The following GABRB1 variants were observed in gnomAD, a reference collection of about 807,000 sequenced individuals.
GABRB1 encodes gamma-aminobutyric acid type A receptor subunit beta1.
In GABRB1, 17 loss-of-function variants were observed where a neutral mutation model predicts 51.6. The ratio of observed to expected loss-of-function variants is 0.33; its 90% CI spans 0.23 to 0.49. GABRB1 has a LOEUF of 0.49. GABRB1 is among the 20% of genes least tolerant of loss of function. GABRB1 has a pLI of 0.99. For missense variants in GABRB1, 410 were observed against 600.6 expected (o/e 0.68, Z 3.32); for synonymous variants, 247 against 218.9 (o/e 1.13, Z -1.14).
chr4:47,213,433 TCTCA>T (rs887984030), intron 4 of GABRB1, among the ~76,000 whole-genome samples: 33 of 151,546 alleles, frequency 2.2e-4, no homozygotes, highest in Non-Finnish European at 3.7e-4. Flanking sequence ...TCTCTCTCTC[TCTCA>T]CTCTCTCTCT....
intron 3 of GABRB1, among the ~76,000 whole-genome samples, chr4:47,117,765 C>T (rs189161451): frequency 9.3e-4 from 142 of 152,192 alleles, no homozygotes; most frequent in African/African-American, 3.1e-3. Flanking sequence ...TTATGAAATA[C>T]GCTGGGAAAT....
intron 3 of GABRB1, among the ~76,000 whole-genome samples, chr4:47,039,900 A>T (rs564869091): frequency 6.6e-6 from 1 of 152,182 alleles, no homozygotes; most frequent in Non-Finnish European, 1.5e-5. Context: ...GAATGCTCTC[A>T]TTGTGTAAAA....
intron 5 of GABRB1, among the ~76,000 whole-genome samples, chr4:47,361,103 A>G (rs1726790282): frequency 6.6e-6 from 1 of 152,144 alleles, no homozygotes. Flanking sequence ...GGTAACCACC[A>G]TATAATGAAG....
intron 5 of GABRB1, among the ~76,000 whole-genome samples, chr4:47,340,809 AAATTTT>A (rs1180892313): frequency 6.6e-6 from 1 of 152,162 alleles, no homozygotes; most frequent in Non-Finnish European, 1.5e-5. Context: ...TTCTGAAAAA[AAATTTT>A]CACCATCTTT....
chr4:47,128,438 A>G (rs1716262629), intron 3 of GABRB1, among the ~76,000 whole-genome samples: 1 of 151,964 alleles, frequency 6.6e-6, no homozygotes, highest in Non-Finnish European at 1.5e-5. Flanking sequence ...TATTAGACTA[A>G]TCAAATAAGA....
intron 5 of GABRB1, among the ~76,000 whole-genome samples, chr4:47,356,050 A>G (rs13116893): frequency 6.6e-6 from 1 of 152,024 alleles, no homozygotes; most frequent in Non-Finnish European, 1.5e-5. Context: ...AACAGCACAT[A>G]GCACACTGCT....
At chr4:47,301,585 G>A (rs1159223064) in intron 4 of GABRB1, among the ~76,000 whole-genome samples, 1 of 149,146 alleles carries the variant, frequency 6.7e-6, no homozygotes, top group Admixed American at 6.7e-5. Context: ...AGTGAGTCAT[G>A]ATCACACCAT....
rs1402614311 is a variant in GABRB1 at position 47,161,481 on chromosome 4, T to C, written c.461+12T>C. 3 of 1,598,618 alleles carry C rather than the reference T, an allele frequency of 1.9e-6. No homozygotes were observed. The highest frequency in any genetic ancestry group is 2.6e-6 in the Non-Finnish European group (3 of 1,167,234). ...CTCTATGGACTCCGGTAAATGGCTT[T>C]ATGTTGCATGTTTTAATGTTGTTGT... On this transcript the variant is annotated intron_variant, in intron 4 of 8. Coordinates refer to ENST00000295454, the MANE Select transcript of GABRB1 (RefSeq NM_000812.4).
chr4:47,051,291 GA>G (rs1038066072), intron 3 of GABRB1, among the ~76,000 whole-genome samples: 5 of 152,148 alleles, frequency 3.3e-5, no homozygotes, highest in African/African-American at 1.2e-4. Context: ...TTAGAGCTAA[GA>G]AGGGAAGAAG....
chr4:47,107,530 C>T (rs1715018517), intron 3 of GABRB1, among the ~76,000 whole-genome samples: 1 of 152,032 alleles, frequency 6.6e-6, no homozygotes, highest in South Asian at 2.1e-4. Context: ...CATCTCAATT[C>T]TGCTACTTTC....
At chr4:47,409,561 G>A (rs918599512) in intron 8 of GABRB1, among the ~76,000 whole-genome samples, 1 of 152,158 alleles carries the variant, frequency 6.6e-6, no homozygotes, top group African/African-American at 2.4e-5. Context: ...TGCTCATGGA[G>A]CCCAGGATTC....
chr4:47,344,140 A>C (rs1227102436), intron 5 of GABRB1, among the ~76,000 whole-genome samples: 1 of 152,206 alleles, frequency 6.6e-6, no homozygotes, highest in East Asian at 1.9e-4. Flanking sequence ...AGGGATCATT[A>C]ACCCTGTCTT....
intron 4 of GABRB1, among the ~76,000 whole-genome samples, chr4:47,261,514 T>A (rs959591682): frequency 6.6e-6 from 1 of 152,114 alleles, no homozygotes; most frequent in Non-Finnish European, 1.5e-5. Flanking sequence ...CAAGGAGAAC[T>A]ACAAACCACT....
At chr4:47,040,404 G>A (rs1200903841) in intron 3 of GABRB1, among the ~76,000 whole-genome samples, 1 of 152,098 alleles carries the variant, frequency 6.6e-6, no homozygotes, top group Non-Finnish European at 1.5e-5. Flanking sequence ...ACAGAAAAAT[G>A]ATATTCAGAA....
chr4:47,117,159 A>G (rs1415767937), intron 3 of GABRB1, among the ~76,000 whole-genome samples: 2 of 152,212 alleles, frequency 1.3e-5, no homozygotes, highest in Non-Finnish European at 1.5e-5. Flanking sequence ...ACTTTTATGT[A>G]TAATAAGAGC....
chr4:47,321,334 A>T (rs1725081636), intron 5 of GABRB1, among the ~76,000 whole-genome samples: 1 of 152,294 alleles, frequency 6.6e-6, no homozygotes, highest in South Asian at 2.1e-4. Context: ...AATTACATTA[A>T]CTTTCTAGTT....
intron 4 of GABRB1, among the ~76,000 whole-genome samples, chr4:47,237,397 G>C (rs1201213932): frequency 5.3e-5 from 8 of 151,990 alleles, no homozygotes; most frequent in Non-Finnish European, 5.9e-5. Flanking sequence ...CACTGAAGGA[G>C]AGAAACATGC....
intron 5 of GABRB1, among the ~76,000 whole-genome samples, chr4:47,376,091 T>G (rs909529572): frequency 6.6e-6 from 1 of 152,132 alleles, no homozygotes; most frequent in African/African-American, 2.4e-5. Context: ...TCATCCTCAG[T>G]CATTAAACCA....
chr4:47,133,493 C>T (rs971117111), intron 3 of GABRB1, among the ~76,000 whole-genome samples: 12 of 152,114 alleles, frequency 7.9e-5, no homozygotes, highest in Admixed American at 2.6e-4. Context: ...GTGCAAAGTT[C>T]CAGTCAGCTT....
Sources: allele counts gnomAD v4.1 joint callset (sites outside exome capture counted in the v4.1 genomes callset), GRCh38; gene constraint gnomAD v4.1.1; transcripts MANE v1.5; gene names NCBI Gene and HGNC (gene_info 2026-07-23, HGNC 2026-07-21).